The following GLIS3 variants were observed in gnomAD, a reference collection of about 807,000 sequenced individuals.
The protein encoded by GLIS3 is GLIS family zinc finger 3, also known as zinc finger protein GLIS3.
A neutral mutation model predicts 78.6 loss-of-function variants in GLIS3; 53 were observed. That is an observed-to-expected ratio of 0.67 (90% confidence interval 0.54 to 0.85). The LOEUF (loss-of-function observed/expected upper bound fraction) is 0.85, where lower values mean the gene tolerates loss of function less well. Ranked by LOEUF, GLIS3 falls within the 40% of genes least tolerant of loss-of-function variation. GLIS3 has a pLI of 0.00. For missense variants in GLIS3, 1,703 were observed against 1,231.1 expected (o/e 1.38, Z -5.74); for synonymous variants, 684 against 509.9 (o/e 1.34, Z -4.60).
Position 4,057,879 on chromosome 9 carries a change from C to T in GLIS3, c.1710+59889G>A, listed in dbSNP as rs190213743. Among the ~76,000 whole-genome samples the T allele has an allele frequency of 2.6e-3, 397 of 152,140 alleles. 1 individual carries two copies. The highest frequency in any genetic ancestry group is 8.8e-3 in the African/African-American group (365 of 41,512). ...GGCTTATGCAAGATGTACACGGCCT[C>T]GCTAAGAACCTTGATCTTTTTCACA... On this transcript the variant is annotated intron_variant, in intron 4 of 10. Transcript: ENST00000381971.
At chr9:4,137,889 T>A (rs987454781) in intron 2 of GLIS3, among the ~76,000 whole-genome samples, 3 of 152,222 alleles carry the variant, frequency 2.0e-5, no homozygotes, top group Non-Finnish European at 4.4e-5. Flanking sequence ...TTACTGCTTC[T>A]CCCTCGACAA....
At chr9:4,064,303 A>T (rs760632740) in intron 4 of GLIS3, among the ~76,000 whole-genome samples, 13 of 152,304 alleles carry the variant, frequency 8.5e-5, no homozygotes, top group Middle Eastern at 3.4e-3. Flanking sequence ...CAGATTTTTT[A>T]AAAATATTAA....
At chr9:4,229,475 G>A (rs947092281) in intron 2 of GLIS3, among the ~76,000 whole-genome samples, 2 of 152,260 alleles carry the variant, frequency 1.3e-5, no homozygotes, top group East Asian at 1.9e-4. Context: ...AAGTTATAGT[G>A]GGTCTTTAAA....
chr9:4,382,048 C>T, the GLIS3 span, among the ~76,000 whole-genome samples: 2 of 152,192 alleles, frequency 1.3e-5, no homozygotes, highest in African/African-American at 4.8e-5. Context: ...CTGGTAGCCG[C>T]TCTCTACAGA....
the GLIS3 span, among the ~76,000 whole-genome samples, chr9:4,411,016 TG>T: frequency 1.3e-5 from 2 of 152,208 alleles, no homozygotes; most frequent in Non-Finnish European, 1.5e-5. Flanking sequence ...TTTACACATT[TG>T]TAAGAACCAA....
the GLIS3 span, among the ~76,000 whole-genome samples, chr9:4,406,237 G>C: frequency 2.0e-5 from 3 of 151,900 alleles, no homozygotes; most frequent in Non-Finnish European, 2.9e-5. Flanking sequence ...AATCAGATAA[G>C]AGAAAGAAAA....
the GLIS3 span, among the ~76,000 whole-genome samples, chr9:4,481,342 G>A: frequency 4.5e-4 from 69 of 152,146 alleles, 2 homozygotes; most frequent in Admixed American, 4.1e-3. Context: ...AAATTAGCCG[G>A]GTATGGTGGT....
At chr9:4,151,330 C>T (rs1007509651) in intron 2 of GLIS3, among the ~76,000 whole-genome samples, 1 of 152,092 alleles carries the variant, frequency 6.6e-6, no homozygotes, top group Non-Finnish European at 1.5e-5. Context: ...TTTGAGTTTG[C>T]CTCTATCTCC....
intron 2 of GLIS3, among the ~76,000 whole-genome samples, chr9:4,139,932 T>A (rs146546409): frequency 6.6e-6 from 1 of 152,182 alleles, no homozygotes; most frequent in Non-Finnish European, 1.5e-5. Context: ...GGCCAGGCAG[T>A]TGGGGACCCC....
At chr9:3,936,916 G>C in intron 5 of GLIS3, 112 bp downstream of exon 5, 4 of 1,434,060 alleles carry the variant, frequency 2.8e-6, no homozygotes, top group East Asian at 4.5e-5. Flanking sequence ...CCTTGGCATT[G>C]TCCCTGTAAC....
At chr9:4,049,656 A>G (rs1588538388) in intron 4 of GLIS3, among the ~76,000 whole-genome samples, 3 of 152,214 alleles carry the variant, frequency 2.0e-5, no homozygotes, top group African/African-American at 7.2e-5. Context: ...CAGAGTGAAC[A>G]GGCAACCTAC....
intron 2 of GLIS3, among the ~76,000 whole-genome samples, chr9:4,173,946 A>G (rs77647938): frequency 0.061 from 5,343 of 87,756 alleles, 299 homozygotes; most frequent in African/African-American, 0.15. Flanking sequence ...ACGCACGCAC[A>G]CACGCATTTC....
chr9:4,469,388 A>G, the GLIS3 span, among the ~76,000 whole-genome samples: 2 of 152,208 alleles, frequency 1.3e-5, no homozygotes, highest in Non-Finnish European at 2.9e-5. Context: ...AGTTGGAAGT[A>G]AAGCACTCCT....
At chr9:4,286,930 T>C (rs1008785827) in intron 1 of GLIS3, among the ~76,000 whole-genome samples, 33 of 152,172 alleles carry the variant, frequency 2.2e-4, no homozygotes, top group Non-Finnish European at 8.8e-5. Context: ...TGCTTCAAAG[T>C]TCCAGTAAAC....
At chr9:4,072,621 C>T (rs1017158029) in intron 4 of GLIS3, among the ~76,000 whole-genome samples, 1 of 151,914 alleles carries the variant, frequency 6.6e-6, no homozygotes, top group Non-Finnish European at 1.5e-5. Flanking sequence ...TAAAACATGA[C>T]ATTTTTCCTC....
intron 7 of GLIS3, among the ~76,000 whole-genome samples, chr9:3,890,369 T>G (rs1029581075): frequency 6.6e-6 from 1 of 152,164 alleles, no homozygotes; most frequent in Non-Finnish European, 1.5e-5. Flanking sequence ...AAGGAACGCT[T>G]TATGTCAGCA....
chr9:4,049,948 A>G (rs1341156432), intron 4 of GLIS3, among the ~76,000 whole-genome samples: 1 of 152,082 alleles, frequency 6.6e-6, no homozygotes, highest in Admixed American at 6.5e-5. Context: ...TCAGAAAACA[A>G]CAGGTGCTGG....
At chr9:4,443,663 A>G in the GLIS3 span, among the ~76,000 whole-genome samples, 2 of 152,194 alleles carry the variant, frequency 1.3e-5, no homozygotes, top group Non-Finnish European at 2.9e-5. Context: ...TAGAGAAATC[A>G]CTTGCAATGC....
At chr9:4,394,937 T>C in the GLIS3 span, among the ~76,000 whole-genome samples, 1 of 152,224 alleles carries the variant, frequency 6.6e-6, no homozygotes, top group African/African-American at 2.4e-5. Context: ...TCCATCTGGC[T>C]GGGGAAAATA....
Sources: allele counts gnomAD v4.1 joint callset (sites outside exome capture counted in the v4.1 genomes callset), GRCh38; gene constraint gnomAD v4.1.1; transcripts MANE v1.5; gene names NCBI Gene and HGNC (gene_info 2026-07-23, HGNC 2026-07-21).